CSMD2: variants seen among roughly 807,000 people sequenced by gnomAD.
The protein encoded by CSMD2 is CUB and Sushi multiple domains 2, also known as CUB and sushi domain-containing protein 2.
A neutral mutation model predicts 398.5 loss-of-function variants in CSMD2; 130 were observed. That is an observed-to-expected ratio of 0.33 (90% confidence interval 0.28 to 0.38). The LOEUF (loss-of-function observed/expected upper bound fraction) is 0.38, where lower values mean the gene tolerates loss of function less well. Among genes scored for constraint, CSMD2 ranks in the 10% least tolerant of loss-of-function variants. CSMD2 has a pLI of 1.00. For missense variants in CSMD2, 3,829 were observed against 4,764.9 expected (o/e 0.80, Z 5.78); for synonymous variants, 1,828 against 1,908.5 (o/e 0.96, Z 1.10).
intron 13 of CSMD2, among the ~76,000 whole-genome samples, chr1:33,754,977 T>G (rs1237508874): frequency 6.6e-6 from 1 of 151,980 alleles, no homozygotes; most frequent in African/African-American, 2.4e-5. Flanking sequence ...GTAGTTTCCA[T>G]GGAGAAATGG....
At chr1:33,762,652 C>T (rs1017981874) in intron 13 of CSMD2, among the ~76,000 whole-genome samples, 6 of 152,182 alleles carry the variant, frequency 3.9e-5, no homozygotes, top group Non-Finnish European at 8.8e-5. Flanking sequence ...CTACAATCTT[C>T]CAAGAAGACT....
At position 33,810,794 on chromosome 1, in the gene CSMD2, A is replaced by C. The variant is rs567387650; in HGVS notation, c.1395T>G (p.Tyr465Ter). The C allele has an allele frequency of 6.2e-7, 1 of 1,612,776 alleles. No homozygotes were observed. Among genetic ancestry groups the C allele is most frequent in the African/African-American group, 1.3e-5 (1 of 74,880 alleles). The change falls in exon 10 of 71, where the codon TAT (tyrosine) becomes TAG (stop). Residue 465 changes from tyrosine to a stop codon, truncating the protein, a stop_gained. Transcript: ENST00000373381. LOFTEE classifies it high-confidence loss of function. ...IITSPNFPIQYDNNAHCVWII... is the reference protein window; with the variant it reads ...IITSPNFPIQ The stretch of plus-strand genomic sequence containing the variant: ...TCCACACACAGTGTGCATTGTTGTC[A>C]TACTGAATGGGGAAATTGGGGGAGG...
At position 33,935,830 on chromosome 1, in the gene CSMD2, G is replaced by A. The variant is rs749023926; in HGVS notation, c.642C>T (p.His214=). The A allele has an allele frequency of 3.4e-5, 55 of 1,614,058 alleles. No homozygotes were observed. Among genetic ancestry groups the A allele is most frequent in the Middle Eastern group, 3.3e-4 (2 of 6,082 alleles). Reference sequence around the variant, plus strand: ...AGCCAGCGTGGCAGGTGAGCACGGCGTGGCCCTCCAGGAAGAAGCCAAGGT... The same window carrying A: ...AGCCAGCGTGGCAGGTGAGCACGGCATGGCCCTCCAGGAAGAAGCCAAGGT... The part of the protein sequence containing the change: ...SCNLGFFLEG[H]AVLTCHAGSE... Residue 214 remains histidine (H), a synonymous_variant, in exon 4 of 71, where the codon CAC becomes CAT. Transcript: ENST00000373381.
chr1:33,605,903 G>A (rs747177923), intron 41 of CSMD2: 4 of 1,613,826 alleles, frequency 2.5e-6, no homozygotes, highest in Admixed American at 1.7e-5. Context: ...AGGAAGCGGC[G>A]ACGGGAGGAG....
intron 3 of CSMD2, among the ~76,000 whole-genome samples, chr1:33,950,624 T>C (rs867095543): frequency 2.0e-5 from 3 of 152,114 alleles, no homozygotes; most frequent in Non-Finnish European, 4.4e-5. Flanking sequence ...GTGGTTGGCA[T>C]AGTTGGGCAA....
chr1:33,658,061 G>A lies in CSMD2; in HGVS notation c.4332C>T (p.Gly1444=), dbSNP rs1345835183. 9 of 1,614,040 alleles carry A rather than the reference G, an allele frequency of 5.6e-6. No homozygotes were observed. Among genetic ancestry groups the A allele is most frequent in the East Asian group, 4.5e-5 (2 of 44,892 alleles). The part of the protein sequence containing the change: ...GSRSGDSWEA[G]DSTVFQCDPG... ...GGTCACACTGGAACACTGTGGAGTC[G>A]CCGGCTTCCCAACTGTCACCACTCC... The change falls in exon 27 of 71, where the codon GGC becomes GGT. Residue 1444 remains glycine (G), a synonymous_variant. Transcript: ENST00000373381.
At chr1:33,516,763 TGCA>T (rs925292098) in intron 70 of CSMD2, among the ~76,000 whole-genome samples, 193 bp from the exon 71 acceptor site, 14 of 152,230 alleles carry the variant, frequency 9.2e-5, no homozygotes, top group African/African-American at 3.4e-4. Flanking sequence ...AGGGAATACG[TGCA>T]GCAGAACATG....
At chr1:33,634,752 G>A (rs558838722) in intron 31 of CSMD2, among the ~76,000 whole-genome samples, 18 of 152,104 alleles carry the variant, frequency 1.2e-4, no homozygotes, top group Non-Finnish European at 2.6e-4. Flanking sequence ...TCTGGACCAG[G>A]CTTTGGTTCT....
intron 2 of CSMD2, among the ~76,000 whole-genome samples, chr1:34,087,832 G>A (rs1440113852): frequency 6.6e-6 from 1 of 151,990 alleles, no homozygotes; most frequent in Non-Finnish European, 1.5e-5. Flanking sequence ...AGACATAATA[G>A]GTACCCATGA....
chr1:33,614,617 T>C lies in CSMD2; in HGVS notation c.6020A>G (p.Gln2007Arg). The C allele has an allele frequency of 2.5e-6, 4 of 1,592,112 alleles. No individual in the cohort carries two copies. The highest frequency in any genetic ancestry group is 1.7e-4 in the Middle Eastern group (1 of 6,016). Residue 2007 changes from glutamine (Q) to arginine (R), a missense_variant, in exon 40 of 71, where the codon CAG (glutamine) becomes CGG (arginine). Gln to Arg is a conservative substitution (Grantham distance 43). Around this residue, in one of 5 missense-constraint regions of CSMD2, gnomAD observed 2,001 missense variants for 2,567.1 expected, o/e 0.78. Coordinates refer to ENST00000373381, the MANE Select transcript of CSMD2 (RefSeq NM_001281956.2). ...WNYPPPLCIA[Q>R]CGGTVEEMEG... is the part of the protein sequence containing the mutation. ...CATCTCCTCCACTGTTCCCCCACAC[T>C]GTGCTGTGACAATGAGATGAGACAG... is the stretch of plus-strand genomic sequence containing the variant.
In CSMD2 at chr1:33,624,718, T is replaced by C. The variant is rs955462923; in HGVS notation, c.5501-75A>G. The C allele has an allele frequency of 1.3e-4, 202 of 1,554,684 alleles. 1 individual carries two copies. In the Admixed American group the frequency reaches 3.5e-3, roughly 27 times the overall value. ...CCTTCCCAAGCTGACTCCTCCCTCA[T>C]GGCCCCCAGCCTCTGTTTGTCCTCC... On this transcript the variant is annotated intron_variant, in intron 34 of 70. Coordinates refer to ENST00000373381, the MANE Select transcript of CSMD2 (RefSeq NM_001281956.2). This position sits in a 1 kb window ranked among gnomAD's most constrained non-coding sequence, Gnocchi z 4.7.
At chr1:34,008,758 C>T (rs1226421387) in intron 3 of CSMD2, among the ~76,000 whole-genome samples, 1 of 152,178 alleles carries the variant, frequency 6.6e-6, no homozygotes, top group Non-Finnish European at 1.5e-5. Flanking sequence ...TGTTTAACAT[C>T]TCTTCCCCTA....
intron 2 of CSMD2, among the ~76,000 whole-genome samples, chr1:34,070,277 A>G (rs915422034): frequency 5.3e-5 from 8 of 152,326 alleles, no homozygotes; most frequent in African/African-American, 1.7e-4. Context: ...GGAAGGAGAC[A>G]GGACTGTAGA....
chr1:33,918,196 A>C lies in CSMD2; in HGVS notation c.818T>G (p.Leu273Arg). 6.2e-7 allele frequency: 1 copy of C among 1,614,214 alleles called. No individual in the cohort carries two copies. The highest frequency in any genetic ancestry group is 8.5e-7 in the Non-Finnish European group (1 of 1,180,046). ...HNNADCTWTI[L>R]AELGDTIALV... ...GGCGATGGTGTCCCCCAGCTCAGCCAGGATGGTCCATGTGCAGTCGGCATT... is the reference window on the plus strand; with the variant it reads ...GGCGATGGTGTCCCCCAGCTCAGCCCGGATGGTCCATGTGCAGTCGGCATT... Residue 273 changes from leucine (L) to arginine (R), a missense_variant, in exon 5 of 71, where the codon CTG (leucine) becomes CGG (arginine). Physicochemically the swap from Leu to Arg is moderately radical, Grantham distance 102. Coordinates refer to ENST00000373381, the MANE Select transcript of CSMD2 (RefSeq NM_001281956.2).
chr1:33,581,354 T>TA (rs35599517), intron 47 of CSMD2, among the ~76,000 whole-genome samples: 2,611 of 84,098 alleles, frequency 0.031, 137 homozygotes, highest in African/African-American at 0.043. Flanking sequence ...CCATCTTTAC[T>TA]AAAAAAAAAA....
At chr1:33,542,493 C>T (rs779535589) in intron 58 of CSMD2, among the ~76,000 whole-genome samples, 24 of 152,178 alleles carry the variant, frequency 1.6e-4, no homozygotes, top group Non-Finnish European at 2.9e-4. Context: ...CACGGAGTTA[C>T]GGAGTTATGG....
At chr1:33,625,019 G>C (rs755884854) in intron 34 of CSMD2, 32 bp downstream of exon 34, 1 of 1,605,114 alleles carries the variant, frequency 6.2e-7, no homozygotes, top group East Asian at 2.2e-5. Context: ...GCCGCCCCCC[G>C]CACCCTCAAC....
chr1:33,551,895 C>T (rs1175725477), intron 55 of CSMD2, among the ~76,000 whole-genome samples: 1 of 152,150 alleles, frequency 6.6e-6, no homozygotes, highest in Non-Finnish European at 1.5e-5. Flanking sequence ...GGAAGTTTGG[C>T]AGAGACTACG....
At chr1:34,001,968 C>T (rs1646918424) in intron 3 of CSMD2, among the ~76,000 whole-genome samples, 1 of 152,140 alleles carries the variant, frequency 6.6e-6, no homozygotes, top group South Asian at 2.1e-4. Context: ...TTGGTCTTAG[C>T]TTCAGAGGTA....
Sources: allele counts gnomAD v4.1 joint callset (sites outside exome capture counted in the v4.1 genomes callset), GRCh38; gene constraint gnomAD v4.1.1; regional missense constraint gnomAD v4.1.1; non-coding constraint Gnocchi (gnomAD v3.1); transcripts MANE v1.5; gene names NCBI Gene and HGNC (gene_info 2026-07-23, HGNC 2026-07-21).